The following PCDH7 variants were observed in gnomAD, a reference collection of about 807,000 sequenced individuals.
The protein encoded by PCDH7 is protocadherin 7.
Under a neutral mutation model 58.9 loss-of-function variants are expected in PCDH7, and 17 were observed. The observed-to-expected ratio is 0.29, with a 90% CI of 0.20 to 0.43. The LOEUF (loss-of-function observed/expected upper bound fraction) is 0.43. Among genes scored for constraint, PCDH7 ranks in the 20% least tolerant of loss-of-function variants. The pLI, the probability that PCDH7 is intolerant of heterozygous loss-of-function variation, is 1.00. For missense variants in PCDH7, 1,274 were observed against 1,441.0 expected (o/e 0.88, Z 1.88); for synonymous variants, 664 against 616.4 (o/e 1.08, Z -1.14).
intron 1 of PCDH7, 101 bp from the exon 2 acceptor site, chr4:30,920,052 A>T: frequency 1.3e-6 from 1 of 746,184 alleles, no homozygotes; most frequent in African/African-American, 1.8e-5. Context: ...GTATTGAATT[A>T]GTTGCCAGTA....
chr4:30,972,928 G>A (rs1402060410), intron 3 of PCDH7, among the ~76,000 whole-genome samples: 2 of 152,082 alleles, frequency 1.3e-5, no homozygotes, highest in Non-Finnish European at 2.9e-5. Context: ...AGTTTAAACA[G>A]TTCCATTCTT....
exon 2 of PCDH7, chr4:30,732,136 G>A (rs1363003058): frequency 6.6e-6 from 1 of 152,106 alleles, no homozygotes; most frequent in African/African-American, 2.4e-5. Flanking sequence ...TTTATAAGCT[G>A]TGTATTTAAT....
At chr4:30,871,909 A>C (rs767884601) in intron 1 of PCDH7, among the ~76,000 whole-genome samples, 1 of 151,986 alleles carries the variant, frequency 6.6e-6, no homozygotes, top group Non-Finnish European at 1.5e-5. Context: ...GCCTGCCTCC[A>C]TCATCTTATG....
chr4:31,094,263 C>A (rs112067322), intron 3 of PCDH7, among the ~76,000 whole-genome samples: 22 of 151,524 alleles, frequency 1.5e-4, no homozygotes, highest in Admixed American at 2.6e-4. Context: ...TGTATTTGTG[C>A]AGATCTCTGC....
At chr4:31,115,797 A>G (rs1716920055) in intron 3 of PCDH7, among the ~76,000 whole-genome samples, 2 of 152,216 alleles carry the variant, frequency 1.3e-5, no homozygotes, top group African/African-American at 4.8e-5. Flanking sequence ...ACAGAAAATC[A>G]GTTTAAAATA....
At chr4:30,737,215 C>G (rs943842877), downstream of PCDH7, among the ~76,000 whole-genome samples, 3 of 152,148 alleles carry the variant, frequency 2.0e-5, no homozygotes, top group Non-Finnish European at 4.4e-5. Context: ...GATTACATGA[C>G]AGGGTTTATG....
At chr4:30,749,290 T>C (rs924742832) in intron 1 of PCDH7, among the ~76,000 whole-genome samples, 2 of 152,202 alleles carry the variant, frequency 1.3e-5, no homozygotes, top group Non-Finnish European at 2.9e-5. Flanking sequence ...ATTCATAACT[T>C]TTTTCATGGC....
chr4:30,936,655 A>G (rs914258367), intron 2 of PCDH7, among the ~76,000 whole-genome samples: 1 of 151,840 alleles, frequency 6.6e-6, no homozygotes, highest in Non-Finnish European at 1.5e-5. Flanking sequence ...TTTTGCATAA[A>G]GCAATATTTA....
intron 3 of PCDH7, among the ~76,000 whole-genome samples, chr4:31,016,795 G>A (rs778328500): frequency 2.0e-5 from 3 of 151,600 alleles, no homozygotes; most frequent in Non-Finnish European, 4.4e-5. Context: ...GTGTGTGTGT[G>A]TGTGCGTGTG....
downstream of PCDH7, among the ~76,000 whole-genome samples, chr4:30,736,218 G>A (rs986594890): frequency 6.6e-6 from 1 of 152,010 alleles, no homozygotes; most frequent in Non-Finnish European, 1.5e-5. Flanking sequence ...GAAGAAACTT[G>A]AAAAAATACA....
intron 1 of PCDH7, among the ~76,000 whole-genome samples, chr4:30,804,966 C>G (rs1725995755): frequency 6.6e-6 from 1 of 152,236 alleles, no homozygotes; most frequent in Non-Finnish European, 1.5e-5. Context: ...TTCTACTCCA[C>G]TGACGTGGCC....
rs180948006 is a variant in PCDH7, at chr4:30,960,034, C to T, written c.*7+9819C>T. On this transcript the variant is annotated intron_variant, in intron 3 of 3. Coordinates refer to the PCDH7 transcript ENST00000509759. ...TAATACAGTAACCTACATTAGGTTC[C>T]CAATGGTTCATGCAGAAATTATATA... Among the ~76,000 whole-genome samples, 210 of 150,310 alleles carry T rather than the reference C, an allele frequency of 1.4e-3. 3 individuals are homozygous for T. Among genetic ancestry groups the T allele is most frequent in the Middle Eastern group, 0.014 (4 of 294 alleles).
chr4:30,918,462 G>A (rs900396539), intron 1 of PCDH7, among the ~76,000 whole-genome samples: 2 of 151,684 alleles, frequency 1.3e-5, no homozygotes, highest in African/African-American at 4.8e-5. Context: ...TTAAAATACA[G>A]GGTAAAATAT....
At chr4:30,851,808 C>G (rs1732791166) in intron 1 of PCDH7, among the ~76,000 whole-genome samples, 1 of 151,902 alleles carries the variant, frequency 6.6e-6, no homozygotes, top group Non-Finnish European at 1.5e-5. Context: ...AGATGGTAAA[C>G]TCGATGGAAA....
At chr4:31,041,756 T>C (rs1755887251) in intron 3 of PCDH7, among the ~76,000 whole-genome samples, 2 of 152,218 alleles carry the variant, frequency 1.3e-5, no homozygotes, top group South Asian at 4.1e-4. Context: ...ATATGCTTCT[T>C]TATGATGAAG....
chr4:30,841,911 T>C (rs1345148), intron 1 of PCDH7, among the ~76,000 whole-genome samples: 79,871 of 151,854 alleles, frequency 0.53, 24,447 homozygotes, highest in African/African-American at 0.87. Flanking sequence ...ATCCTCTGGT[T>C]TATACATTTA....
At chr4:31,033,229 T>C (rs1578614031) in intron 3 of PCDH7, among the ~76,000 whole-genome samples, 1 of 152,350 alleles carries the variant, frequency 6.6e-6, no homozygotes, top group East Asian at 1.9e-4. Flanking sequence ...TCACGGATGG[T>C]ATCTTACAGC....
At chr4:30,795,728 CCTTGATAAATACA>C (rs1296439930) in intron 1 of PCDH7, among the ~76,000 whole-genome samples, 1 of 152,120 alleles carries the variant, frequency 6.6e-6, no homozygotes, top group Non-Finnish European at 1.5e-5. Context: ...GATTTCACAG[CCTTGATAAATACA>C]CTTGCTGTTT....
chr4:31,097,606 A>ATG (rs1714236951), intron 3 of PCDH7, among the ~76,000 whole-genome samples: 1 of 32,484 alleles, frequency 3.1e-5, no homozygotes, highest in African/African-American at 2.9e-4. Flanking sequence ...ATATATATAT[A>ATG]TATATATATA....
Sources: allele counts gnomAD v4.1 joint callset (sites outside exome capture counted in the v4.1 genomes callset), GRCh38; gene constraint gnomAD v4.1.1; transcripts MANE v1.5; gene names NCBI Gene and HGNC (gene_info 2026-07-23, HGNC 2026-07-21).